Variants in GALK2 observed in about 807,000 individuals in gnomAD.
The protein encoded by GALK2 is N-acetylgalactosamine kinase.
GALK2 carries 36 observed loss-of-function variants against 52.4 expected under a neutral mutation model. The ratio of observed to expected loss-of-function variants is 0.69; its 90% confidence interval spans 0.53 to 0.91. The LOEUF (loss-of-function observed/expected upper bound fraction) is 0.91. Among genes scored for constraint, GALK2 ranks in the 40% least tolerant of loss-of-function variants. The pLI, the probability that GALK2 is intolerant of heterozygous loss-of-function variation, is 0.00. For missense variants in GALK2, 579 were observed against 559.1 expected (o/e 1.04, Z -0.36); for synonymous variants, 176 against 199.1 (o/e 0.88, Z 0.98).
rs950250379 is a variant in GALK2, at chr15:49,324,289, C to G, written c.1170-3663C>G. The stretch of plus-strand genomic sequence containing the variant: ...CAATGTATTCCATGGTGAGGCTGCT[C>G]AGCCTCTCGCATCCATTCTTCAACA... On this transcript the variant is annotated intron_variant, in intron 9 of 9. Transcript: ENST00000560031. Among the ~76,000 whole-genome samples, 3 of 151,264 alleles carry G rather than the reference C, an allele frequency of 2.0e-5. No homozygotes were observed. The East Asian group carries it at 5.8e-4, about 29-fold the overall frequency.
intron 5 of GALK2, among the ~76,000 whole-genome samples, chr15:49,272,976 G>T (rs1444918658): frequency 6.6e-6 from 1 of 152,156 alleles, no homozygotes; most frequent in East Asian, 1.9e-4. Flanking sequence ...CTGTGCTTCT[G>T]CCCTCACTGA....
intron 5 of GALK2, among the ~76,000 whole-genome samples, chr15:49,262,806 C>T (rs2141637486): frequency 6.7e-6 from 1 of 148,636 alleles, no homozygotes; most frequent in African/African-American, 2.5e-5. Flanking sequence ...ATCTTTATTT[C>T]TACCTTCATT....
intron 1 of GALK2, among the ~76,000 whole-genome samples, chr15:49,157,172 G>A (rs2084487080): frequency 6.6e-6 from 1 of 152,130 alleles, no homozygotes; most frequent in Non-Finnish European, 1.5e-5. Flanking sequence ...ATGACCCCTT[G>A]GGAAGTGTCC....
chr15:49,299,721 T>G (rs551015375), intron 8 of GALK2, among the ~76,000 whole-genome samples: 12 of 34,422 alleles, frequency 3.5e-4, no homozygotes, highest in South Asian at 1.4e-3. Context: ...TTTCTTTCTT[T>G]CTTTCTTTCT....
rs1284738937 is a variant in GALK2 at position 49,250,831 on chromosome 15, T to A, written c.504+11464T>A. On this transcript the variant is annotated intron_variant, in intron 5 of 9. Transcript: ENST00000560031. ...TTAAATAAGTTGACAGATTTTATAC[T>A]CTTTGTCAAAGTTATAATGATATTT... Among the ~76,000 whole-genome samples, 3 of 152,266 alleles carry A rather than the reference T, an allele frequency of 2.0e-5. No individual in the cohort carries two copies. In the East Asian group the frequency reaches 5.8e-4, roughly 29 times the overall value.
At chr15:49,211,617 C>T (rs545155231) in intron 2 of GALK2, among the ~76,000 whole-genome samples, 51 of 152,212 alleles carry the variant, frequency 3.4e-4, no homozygotes, top group African/African-American at 1.2e-3. Flanking sequence ...TTAATTGGCT[C>T]ACAATTTTGC....
At chr15:49,167,241 A>T (rs752212020), upstream of GALK2, among the ~76,000 whole-genome samples, 1 of 152,262 alleles carries the variant, frequency 6.6e-6, no homozygotes, top group Non-Finnish European at 1.5e-5. Context: ...ACCATTTATT[A>T]GTTTATAATT....
At chr15:49,335,834 G>A (rs1045345531), downstream of GALK2, among the ~76,000 whole-genome samples, 5 of 152,182 alleles carry the variant, frequency 3.3e-5, no homozygotes, top group African/African-American at 1.2e-4. Context: ...TATTAAAAAT[G>A]TACCAAAATT....
At chr15:49,273,600 C>T (rs1174275447) in intron 5 of GALK2, among the ~76,000 whole-genome samples, 1 of 149,370 alleles carries the variant, frequency 6.7e-6, no homozygotes. Context: ...TAAGTTAGAG[C>T]TTGTTCATCA....
At chr15:49,312,109 T>G (rs1275688630) in intron 8 of GALK2, among the ~76,000 whole-genome samples, 1 of 152,248 alleles carries the variant, frequency 6.6e-6, no homozygotes. Context: ...TACTCTCAGG[T>G]GCATCTAGAT....
chr15:49,271,329 A>G (rs911128522), intron 5 of GALK2, among the ~76,000 whole-genome samples: 1 of 151,984 alleles, frequency 6.6e-6, no homozygotes, highest in African/African-American at 2.4e-5. Context: ...TCTTCCCAGT[A>G]GTAGTTACTT....
At chr15:49,247,026 AGTTAAGGGAAATT>A (rs2091385887) in intron 5 of GALK2, among the ~76,000 whole-genome samples, 3 of 152,214 alleles carry the variant, frequency 2.0e-5, no homozygotes, top group Admixed American at 6.5e-5. Flanking sequence ...GCTAGGCCGT[AGTTAAGGGAAATT>A]GTATATTTTA....
chr15:49,257,318 C>T (rs77043354), intron 5 of GALK2, among the ~76,000 whole-genome samples: 9,170 of 152,120 alleles, frequency 0.06, 547 homozygotes, highest in African/African-American at 0.15. Context: ...ACACTTGAAC[C>T]CGCTGAATTT....
intron 2 of GALK2, among the ~76,000 whole-genome samples, chr15:49,212,584 T>G (rs481466): frequency 0.59 from 89,291 of 151,902 alleles, 26,412 homozygotes; most frequent in Middle Eastern, 0.66. Context: ...TTGTTAAGAT[T>G]CATCTTTAGG....
chr15:49,206,208 G>A (rs1236491682), intron 2 of GALK2, among the ~76,000 whole-genome samples: 1 of 151,610 alleles, frequency 6.6e-6, no homozygotes, highest in African/African-American at 2.4e-5. Context: ...TCTTGTTTTT[G>A]CTATGCAGGC....
chr15:49,326,080 G>A (rs976092298), intron 9 of GALK2, among the ~76,000 whole-genome samples: 6 of 151,934 alleles, frequency 3.9e-5, no homozygotes, highest in East Asian at 1.9e-4. Flanking sequence ...CCAGCAAAAC[G>A]GCATATTTTA....
chr15:49,354,596 A>ACGCC (rs1252769195), intron 3 of GALK2, among the ~76,000 whole-genome samples: 1 of 152,152 alleles, frequency 6.6e-6, no homozygotes, highest in African/African-American at 2.4e-5. Flanking sequence ...GAAGGGTCCT[A>ACGCC]CGCCCACGGA....
intron 1 of GALK2, among the ~76,000 whole-genome samples, chr15:49,180,597 A>G (rs539921575): frequency 6.6e-6 from 1 of 152,294 alleles, no homozygotes; most frequent in African/African-American, 2.4e-5. Flanking sequence ...GTTCACATCC[A>G]TTGCCTGTAT....
chr15:49,360,853 A>G (rs982996398), intron 3 of GALK2, among the ~76,000 whole-genome samples: 9 of 152,226 alleles, frequency 5.9e-5, no homozygotes, highest in African/African-American at 2.2e-4. Context: ...GTCAGAAGAC[A>G]TAAGCACTCC....
Sources: gnomAD v4.1 joint callset for allele counts (sites outside exome capture counted in the v4.1 genomes callset) on GRCh38, gnomAD v4.1.1 for gene constraint, MANE v1.5 for transcripts, NCBI Gene and HGNC (gene_info 2026-07-23, HGNC 2026-07-21) for gene names.